Variants in FAM193A observed in about 807,000 individuals in gnomAD.
The protein encoded by FAM193A is family with sequence similarity 193 member A, also known as protein FAM193A.
In FAM193A, 22 loss-of-function variants were observed where a neutral mutation model predicts 126.5. That is an observed-to-expected ratio of 0.17 (90% CI 0.12 to 0.25). The LOEUF is 0.25. Among genes scored for constraint, FAM193A ranks in the 10% least tolerant of loss-of-function variants. FAM193A has a pLI of 1.00. For missense variants in FAM193A, 1,675 were observed against 1,672.8 expected (o/e 1.00, Z -0.02); for synonymous variants, 761 against 646.8 (o/e 1.18, Z -2.68).
intron 5 of FAM193A, among the ~76,000 whole-genome samples, chr4:2,638,670 G>C (rs1290386441): frequency 6.6e-6 from 1 of 152,240 alleles, no homozygotes; most frequent in African/African-American, 2.4e-5. Flanking sequence ...TGGTCTAGCA[G>C]TATCACTGGT....
intron 20 of FAM193A, among the ~76,000 whole-genome samples, chr4:2,727,394 C>T (rs183169893): frequency 1.3e-5 from 2 of 150,552 alleles, no homozygotes; most frequent in East Asian, 3.8e-4. Flanking sequence ...ATCTTACTTA[C>T]TTATTTATTT....
At chr4:2,638,679 G>T (rs551386214) in intron 5 of FAM193A, among the ~76,000 whole-genome samples, 1 of 152,184 alleles carries the variant, frequency 6.6e-6, no homozygotes, top group Non-Finnish European at 1.5e-5. Context: ...AGTATCACTG[G>T]TGTGCTCTCT....
intron 7 of FAM193A, among the ~76,000 whole-genome samples, chr4:2,647,967 G>T (rs1315212055): frequency 1.3e-5 from 2 of 152,178 alleles, no homozygotes; most frequent in Non-Finnish European, 2.9e-5. Context: ...GGACTGGGAA[G>T]AAGGAAGGGA....
rs530629175 is a variant in FAM193A, at chr4:2,663,027, A to G, written c.1899+36A>G. The G allele has an allele frequency of 2.9e-5, 46 of 1,598,618 alleles. No individual in the cohort carries two copies. The South Asian group carries it at 4.5e-4, about 16-fold the overall frequency. Reference sequence around the variant, plus strand: ...GGCTTCTTCGTAGCAACAATAAATGACATAAAATGATGGTCTGACATTTTA... The same window carrying G: ...GGCTTCTTCGTAGCAACAATAAATGGCATAAAATGATGGTCTGACATTTTA... On this transcript the variant is annotated intron_variant, in intron 11 of 20. Coordinates refer to ENST00000637812, the MANE Select transcript of FAM193A (RefSeq NM_001366318.2).
chr4:2,676,663 C>G (rs901871284), intron 13 of FAM193A, among the ~76,000 whole-genome samples: 3 of 152,116 alleles, frequency 2.0e-5, no homozygotes, highest in Admixed American at 6.5e-5. Context: ...AATTTTTCAG[C>G]CAGGCACGGT....
intron 1 of FAM193A, among the ~76,000 whole-genome samples, chr4:2,560,348 C>A (rs191385740): frequency 6.6e-6 from 1 of 152,150 alleles, no homozygotes; most frequent in Non-Finnish European, 1.5e-5. Flanking sequence ...CTTCACCGTC[C>A]GAGGCCAGGC....
At chr4:2,662,749 G>T in intron 10 of FAM193A, 89 bp from the exon 11 acceptor site, 1 of 1,013,408 alleles carries the variant, frequency 9.9e-7, no homozygotes, top group South Asian at 1.5e-5. Context: ...GCCGTGATCT[G>T]TCCAGGAAAT....
At chr4:2,540,195 C>T (rs1280597038) in intron 1 of FAM193A, among the ~76,000 whole-genome samples, 3 of 151,902 alleles carry the variant, frequency 2.0e-5, no homozygotes, top group Non-Finnish European at 2.9e-5. Flanking sequence ...AATGGCCGGG[C>T]GCAGTGGCTC....
At chr4:2,576,879 A>G (rs1213803993) in intron 1 of FAM193A, among the ~76,000 whole-genome samples, 4 of 152,226 alleles carry the variant, frequency 2.6e-5, no homozygotes, top group African/African-American at 4.8e-5. Flanking sequence ...TAAGGGGCTC[A>G]TGGAGATACT....
intron 1 of FAM193A, among the ~76,000 whole-genome samples, chr4:2,594,820 C>CTTTTTTTTTTTTTTTTTTTT (rs386399069): frequency 6.4e-5 from 4 of 62,210 alleles, no homozygotes; most frequent in Non-Finnish European, 8.3e-5. Context: ...TTTTCTTTTC[C>CTTTTTTTTTTTTTTTTTTTT]TTTTTTTTTT....
chr4:2,601,004 C>T (rs549842888), intron 2 of FAM193A, among the ~76,000 whole-genome samples: 6 of 152,262 alleles, frequency 3.9e-5, no homozygotes, highest in Admixed American at 2.6e-4. Flanking sequence ...CCTGTAGTTG[C>T]GGCTACACAG....
chr4:2,546,787 G>C (rs543529199), intron 1 of FAM193A, among the ~76,000 whole-genome samples: 1 of 152,092 alleles, frequency 6.6e-6, no homozygotes, highest in Non-Finnish European at 1.5e-5. Context: ...TAAATACCAA[G>C]GAGTAGGAGC....
intron 19 of FAM193A, among the ~76,000 whole-genome samples, chr4:2,708,486 G>A (rs1259899590): frequency 6.6e-6 from 1 of 151,204 alleles, no homozygotes; most frequent in African/African-American, 2.4e-5. Context: ...TTTTGAGATG[G>A]AGTTTCATTC....
intron 1 of FAM193A, among the ~76,000 whole-genome samples, chr4:2,553,667 T>C (rs1738083857): frequency 6.6e-6 from 1 of 151,978 alleles, no homozygotes; most frequent in Non-Finnish European, 1.5e-5. Flanking sequence ...GCGTGACTTC[T>C]CCTTTGACTT....
intron 13 of FAM193A, among the ~76,000 whole-genome samples, chr4:2,678,322 T>G (rs1714671904): frequency 6.6e-6 from 1 of 151,582 alleles, no homozygotes; most frequent in Non-Finnish European, 1.5e-5. Context: ...TCCACTTCTT[T>G]GGTTAATTCC....
At chr4:2,655,430 T>TGTGTGTGC (rs1711551929) in intron 7 of FAM193A, among the ~76,000 whole-genome samples, 1 of 149,714 alleles carries the variant, frequency 6.7e-6, no homozygotes, top group Non-Finnish European at 1.5e-5. Flanking sequence ...AGGACGTGTG[T>TGTGTGTGC]GTGTGTGCGT....
At chr4:2,699,436 A>ATCC (rs1717415798) in intron 18 of FAM193A, among the ~76,000 whole-genome samples, 1 of 61,060 alleles carries the variant, frequency 1.6e-5, no homozygotes, top group Non-Finnish European at 3.6e-5. Context: ...GTTAACTACC[A>ATCC]CCCCCCCCCC....
At chr4:2,638,981 C>T (rs751063509) in intron 5 of FAM193A, among the ~76,000 whole-genome samples, 1 of 152,138 alleles carries the variant, frequency 6.6e-6, no homozygotes, top group Non-Finnish European at 1.5e-5. Context: ...AAAGATGTAA[C>T]GTGATCTGAA....
intron 19 of FAM193A, among the ~76,000 whole-genome samples, chr4:2,710,904 T>G (rs919451678): frequency 1.4e-5 from 2 of 146,396 alleles, no homozygotes; most frequent in African/African-American, 5.1e-5. Context: ...CAGGCTGGAG[T>G]GCAGTGGTGT....
Sources: gnomAD v4.1 joint callset for allele counts (sites outside exome capture counted in the v4.1 genomes callset) on GRCh38, gnomAD v4.1.1 for gene constraint, MANE v1.5 for transcripts, NCBI Gene and HGNC (gene_info 2026-07-23, HGNC 2026-07-21) for gene names.